Variants in SCFD2 observed in about 807,000 individuals in gnomAD.
SCFD2 encodes the protein sec1 family domain containing 2, also known as sec1 family domain-containing protein 2.
Under a neutral mutation model 58.9 loss-of-function variants are expected in SCFD2, and 54 were observed. The ratio of observed to expected loss-of-function variants is 0.92; its 90% CI spans 0.74 to 1.15. SCFD2 has a LOEUF of 1.15. Ranked by LOEUF, SCFD2 falls within the 50% of genes most tolerant of loss-of-function variation. The pLI, the probability that SCFD2 is intolerant of heterozygous loss-of-function variation, is 0.00. For missense variants in SCFD2, 805 were observed against 836.6 expected, an observed-to-expected ratio of 0.96 and a Z score of 0.47; for synonymous variants, 321 against 335.9, an observed-to-expected ratio of 0.96 and a Z score of 0.49.
chr4:53,237,415 G>A (rs1248338617), intron 4 of SCFD2, among the ~76,000 whole-genome samples: 20 of 149,764 alleles, frequency 1.3e-4, no homozygotes, highest in Non-Finnish European at 2.1e-4. Flanking sequence ...AGTAGGGGGC[G>A]GCCGGGCAGA....
intron 5 of SCFD2, among the ~76,000 whole-genome samples, chr4:53,038,426 T>G (rs1373294000): frequency 6.6e-6 from 1 of 152,160 alleles, no homozygotes; most frequent in Non-Finnish European, 1.5e-5. Flanking sequence ...CTCTTCAGAT[T>G]GATAATTGGG....
chr4:52,898,000 T>A (rs1288799912), intron 7 of SCFD2, among the ~76,000 whole-genome samples: 1 of 152,240 alleles, frequency 6.6e-6, no homozygotes, highest in Non-Finnish European at 1.5e-5. Flanking sequence ...TTGGTGGTGA[T>A]ATCCCCTTTG....
intron 5 of SCFD2, among the ~76,000 whole-genome samples, chr4:53,076,431 C>T (rs1212841225): frequency 6.6e-6 from 1 of 152,038 alleles, no homozygotes; most frequent in Non-Finnish European, 1.5e-5. Context: ...CCTGCAAGGC[C>T]CAGAACCCCT....
chr4:53,184,402 A>G (rs575487956), intron 4 of SCFD2, among the ~76,000 whole-genome samples: 1 of 152,154 alleles, frequency 6.6e-6, no homozygotes, highest in Admixed American at 6.6e-5. Context: ...GAATCAGGAA[A>G]TAATTTCAAG....
intron 7 of SCFD2, among the ~76,000 whole-genome samples, chr4:52,902,026 T>C (rs1340833114): frequency 6.6e-6 from 1 of 152,230 alleles, no homozygotes; most frequent in Admixed American, 6.5e-5. Flanking sequence ...CCTGCAGTGC[T>C]GAGGCTGCCC....
chr4:53,322,055 T>C (rs1356330253), intron 2 of SCFD2, among the ~76,000 whole-genome samples: 2 of 152,116 alleles, frequency 1.3e-5, no homozygotes, highest in Non-Finnish European at 2.9e-5. Flanking sequence ...AACCTGGGCT[T>C]GTCAGAGGCG....
chr4:53,089,167 T>G (rs1724401011), intron 5 of SCFD2, among the ~76,000 whole-genome samples: 1 of 152,192 alleles, frequency 6.6e-6, no homozygotes, highest in African/African-American at 2.4e-5. Context: ...CTATGGTAGT[T>G]TGTAATAGCA....
intron 7 of SCFD2, among the ~76,000 whole-genome samples, chr4:52,899,034 TA>T (rs1333761779): frequency 6.6e-6 from 1 of 152,222 alleles, no homozygotes. Flanking sequence ...ATTTTGAGCC[TA>T]TGTGTGTCTC....
chr4:53,026,464 C>G (rs1233135815), intron 5 of SCFD2, among the ~76,000 whole-genome samples: 4 of 152,220 alleles, frequency 2.6e-5, no homozygotes, highest in African/African-American at 9.6e-5. Context: ...CTCCAATTTC[C>G]TAGTGCAGTC....
chr4:53,153,456 G>C (rs1441019654), intron 4 of SCFD2, among the ~76,000 whole-genome samples: 1 of 152,206 alleles, frequency 6.6e-6, no homozygotes, highest in Non-Finnish European at 1.5e-5. Context: ...CCAGGATCCT[G>C]GGAGCAGTGT....
At chr4:53,021,746 T>G (rs964340359) in intron 5 of SCFD2, among the ~76,000 whole-genome samples, 4 of 152,146 alleles carry the variant, frequency 2.6e-5, no homozygotes, top group Admixed American at 6.5e-5. Context: ...CTGAACTTTT[T>G]GACTAGACTT....
intron 7 of SCFD2, among the ~76,000 whole-genome samples, chr4:52,895,896 A>T (rs1718995332): frequency 6.6e-6 from 1 of 152,046 alleles, no homozygotes; most frequent in Non-Finnish European, 1.5e-5. Context: ...TTTGATTTGC[A>T]TTTCTCTGAT....
intron 2 of SCFD2, among the ~76,000 whole-genome samples, chr4:53,331,216 G>A (rs1733451435): frequency 6.6e-6 from 1 of 151,526 alleles, no homozygotes; most frequent in Middle Eastern, 3.4e-3. Context: ...GGATACCCAG[G>A]AATTGAACTC....
At chr4:52,917,549 T>C (rs948180850) in intron 6 of SCFD2, among the ~76,000 whole-genome samples, 3 of 152,106 alleles carry the variant, frequency 2.0e-5, no homozygotes, top group African/African-American at 7.2e-5. Flanking sequence ...GCAGATACCA[T>C]GGTGATCAAA....
chr4:53,193,822 T>A (rs1233118806), intron 4 of SCFD2, among the ~76,000 whole-genome samples: 1 of 152,158 alleles, frequency 6.6e-6, no homozygotes, highest in Non-Finnish European at 1.5e-5. Context: ...AATATAAGCA[T>A]GGTTCATAAG....
chr4:53,010,439 C>G (rs1357034829), intron 5 of SCFD2, among the ~76,000 whole-genome samples: 2 of 152,182 alleles, frequency 1.3e-5, no homozygotes, highest in African/African-American at 4.8e-5. Context: ...CAGGTTTGTG[C>G]TTTTAGAGGC....
intron 5 of SCFD2, among the ~76,000 whole-genome samples, chr4:53,041,226 G>A (rs1577679142): frequency 6.6e-6 from 1 of 152,288 alleles, no homozygotes; most frequent in East Asian, 1.9e-4. Flanking sequence ...TTCTAGAACT[G>A]ATAGTGCTGC....
At chr4:53,287,483 C>T (rs917710181) in intron 3 of SCFD2, among the ~76,000 whole-genome samples, 21 of 152,296 alleles carry the variant, frequency 1.4e-4, no homozygotes, top group African/African-American at 4.3e-4. Context: ...TCATCACTGA[C>T]ATTGATCACA....
intron 4 of SCFD2, among the ~76,000 whole-genome samples, chr4:53,254,930 T>C (rs1442038975): frequency 1.3e-5 from 2 of 150,418 alleles, no homozygotes; most frequent in Non-Finnish European, 3.0e-5. Flanking sequence ...TGGAGTGCAG[T>C]GGCGCAATCT....
Sources: allele counts gnomAD v4.1 joint callset (sites outside exome capture counted in the v4.1 genomes callset), GRCh38; gene constraint gnomAD v4.1.1; transcripts MANE v1.5; gene names NCBI Gene and HGNC (gene_info 2026-07-23, HGNC 2026-07-21).